ILRUN: variants seen among roughly 807,000 people sequenced by gnomAD.
ILRUN encodes the protein inflammation and lipid regulator with UBA-like and NBR1-like domains.
Under a neutral mutation model 33.8 loss-of-function variants are expected in ILRUN, and 3 were observed. The ratio of observed to expected loss-of-function variants is 0.09; its 90% CI spans 0.04 to 0.23. The LOEUF is 0.23. ILRUN is among the 10% of genes least tolerant of loss of function. The pLI is 1.00. For synonymous variants in ILRUN, 124 were observed against 138.9 expected (o/e 0.89, Z 0.75); for missense variants, 210 against 375.1 (o/e 0.56, Z 3.64).
chr6:34,676,986 T>C (rs1763247343), intron 1 of ILRUN, among the ~76,000 whole-genome samples: 1 of 141,094 alleles, frequency 7.1e-6, no homozygotes, highest in Non-Finnish European at 1.5e-5. Flanking sequence ...TACATGGGTT[T>C]TATGTCACAA....
intron 2 of ILRUN, among the ~76,000 whole-genome samples, chr6:34,651,789 CTTTTTTT>C (rs11288958): frequency 2.9e-5 from 3 of 102,806 alleles, no homozygotes; most frequent in Non-Finnish European, 5.6e-5. Flanking sequence ...TTCCAAAAAA[CTTTTTTT>C]TTTTTTTTTT....
At chr6:34,602,245 T>C (rs1360112632) in intron 4 of ILRUN, among the ~76,000 whole-genome samples, 3 of 152,288 alleles carry the variant, frequency 2.0e-5, no homozygotes, top group Admixed American at 6.5e-5. Flanking sequence ...GCAAAGCAGG[T>C]AGCTGTCCTA....
At chr6:34,671,231 C>T (rs904586047) in intron 1 of ILRUN, among the ~76,000 whole-genome samples, 19 of 151,982 alleles carry the variant, frequency 1.3e-4, no homozygotes, top group East Asian at 5.8e-4. Context: ...ACAAAAAATA[C>T]ACAAAGTAGC....
At chr6:34,656,371 C>T (rs6900426) in intron 1 of ILRUN, among the ~76,000 whole-genome samples, 25,487 of 152,010 alleles carry the variant, frequency 0.17, 2,934 homozygotes, top group African/African-American at 0.32. Flanking sequence ...AGCCAGAGTT[C>T]CCAACTGAGC....
chr6:34,633,703 A>C (rs1463227028), intron 3 of ILRUN, among the ~76,000 whole-genome samples: 1 of 151,730 alleles, frequency 6.6e-6, no homozygotes, highest in Non-Finnish European at 1.5e-5. Context: ...ATAAAAAGTA[A>C]AAAACAAGAC....
chr6:34,622,924 G>A (rs753958033), intron 3 of ILRUN, among the ~76,000 whole-genome samples: 11 of 152,102 alleles, frequency 7.2e-5, no homozygotes, highest in Non-Finnish European at 1.3e-4. Flanking sequence ...GCCTTTAAAA[G>A]GAAGGAAATT....
At chr6:34,689,288 A>T (rs915382413) in intron 1 of ILRUN, among the ~76,000 whole-genome samples, 1 of 151,698 alleles carries the variant, frequency 6.6e-6, no homozygotes, top group Admixed American at 6.6e-5. Flanking sequence ...GTGCTACATG[A>T]TCATGCCTGT....
intron 4 of ILRUN, among the ~76,000 whole-genome samples, chr6:34,590,866 G>C (rs561858270): frequency 6.6e-6 from 1 of 152,192 alleles, no homozygotes; most frequent in Non-Finnish European, 1.5e-5. Context: ...TCAGATGGTA[G>C]ATCAGTCAAT....
chr6:34,614,329 G>A (rs1378099000), intron 3 of ILRUN, among the ~76,000 whole-genome samples: 1 of 151,426 alleles, frequency 6.6e-6, no homozygotes, highest in African/African-American at 2.4e-5. Context: ...GGCTGAGGCA[G>A]GAGAATGGCG....
intron 2 of ILRUN, among the ~76,000 whole-genome samples, chr6:34,654,338 A>G (rs918622210): frequency 2.6e-5 from 4 of 152,234 alleles, no homozygotes; most frequent in African/African-American, 9.6e-5. Flanking sequence ...ACCCCATCAT[A>G]TAGAAGTCTA....
Position 34,606,453 on chromosome 6 carries a change from TC to T in ILRUN, c.861+101del. On this transcript the variant is annotated intron_variant, in intron 4 of 4. Coordinates refer to ENST00000374023, the MANE Select transcript of ILRUN (RefSeq NM_024294.4). ...GAGAGCTGAGCAGTCTTAAAGAACC[TC>T]CTCTGGGGAGCGGCAGTCTAGGATT... is the stretch of plus-strand genomic sequence containing the variant. 3 of 885,514 alleles carry T rather than the reference TC, an allele frequency of 3.4e-6. No homozygotes were observed. The East Asian group carries it at 7.6e-5, about 22-fold the overall frequency. 54.9% of individuals were successfully genotyped at this position (885,514 alleles called of 1,614,324 possible).
rs539584567 is a variant in ILRUN at position 34,679,844 on chromosome 6, G to C, written c.158+16602C>G. Among the ~76,000 whole-genome samples, 5 of 152,340 alleles carry C rather than the reference G, an allele frequency of 3.3e-5. No individual in the cohort carries two copies. The South Asian group carries it at 1.0e-3, about 32-fold the overall frequency. ...ACAAGGAAAGCCATGTGACTAATAA[G>C]GCAGACACTAGAGTGATACAGCTAC... On this transcript the variant is annotated intron_variant, in intron 1 of 4. Coordinates refer to ENST00000374023, the MANE Select transcript of ILRUN (RefSeq NM_024294.4).
chr6:34,652,207 A>G (rs1239772691), intron 2 of ILRUN, among the ~76,000 whole-genome samples: 1 of 152,230 alleles, frequency 6.6e-6, no homozygotes, highest in Non-Finnish European at 1.5e-5. Flanking sequence ...AAAAGCAGGC[A>G]AAATCAAGCA....
At chr6:34,667,606 C>T (rs1763031695) in intron 1 of ILRUN, among the ~76,000 whole-genome samples, 2 of 152,144 alleles carry the variant, frequency 1.3e-5, no homozygotes, top group African/African-American at 4.8e-5. Context: ...AGGAGAAAAA[C>T]AGGTGGACAC....
chr6:34,637,216 G>GTATA (rs1762382161), intron 3 of ILRUN, among the ~76,000 whole-genome samples: 1 of 151,938 alleles, frequency 6.6e-6, no homozygotes, highest in Non-Finnish European at 1.5e-5. Context: ...AACTATATCT[G>GTATA]GCCTAAGCTA....
At chr6:34,696,099 C>A (rs1405825869) in intron 1 of ILRUN, among the ~76,000 whole-genome samples, 1 of 152,094 alleles carries the variant, frequency 6.6e-6, no homozygotes, top group Admixed American at 6.6e-5. Flanking sequence ...TCAGCCAACA[C>A]CATAACCCTT....
rs372239737 is a variant in ILRUN at position 34,633,650 on chromosome 6, A to G, written c.511+12951T>C. Among the ~76,000 whole-genome samples, 525 of 151,908 alleles carry G rather than the reference A, an allele frequency of 3.5e-3. 1 individual carries two copies. Among genetic ancestry groups the G allele is most frequent in the South Asian group, 0.014 (68 of 4,786 alleles). On this transcript the variant is annotated intron_variant, in intron 3 of 4. Coordinates refer to ENST00000374023, the MANE Select transcript of ILRUN (RefSeq NM_024294.4). ...AGGACTCCTTGAAGCCAGTAGTTTGAGACCAACCTGGGAAACAAAATAAGA... is the reference window on the plus strand; with the variant it reads ...AGGACTCCTTGAAGCCAGTAGTTTGGGACCAACCTGGGAAACAAAATAAGA...
chr6:34,622,770 A>C (rs1762036125), intron 3 of ILRUN, among the ~76,000 whole-genome samples: 1 of 152,238 alleles, frequency 6.6e-6, no homozygotes, highest in Admixed American at 6.5e-5. Flanking sequence ...AGATCTGAAA[A>C]CAGGGTCTCA....
At chr6:34,688,723 G>GA (rs1342024313) in intron 1 of ILRUN, among the ~76,000 whole-genome samples, 5 of 152,050 alleles carry the variant, frequency 3.3e-5, no homozygotes, top group Non-Finnish European at 5.9e-5. Flanking sequence ...TAAGGTAGGA[G>GA]AATCGCTTGA....
Sources: gnomAD v4.1 joint callset for allele counts (sites outside exome capture counted in the v4.1 genomes callset) on GRCh38, gnomAD v4.1.1 for gene constraint, MANE v1.5 for transcripts, NCBI Gene and HGNC (gene_info 2026-07-23, HGNC 2026-07-21) for gene names.